Variants in ACOT7 observed in about 807,000 individuals in gnomAD.
ACOT7 encodes acyl-CoA thioesterase 7.
A neutral mutation model predicts 40.2 loss-of-function variants in ACOT7; 12 were observed. That is an observed-to-expected ratio of 0.30 (90% CI 0.19 to 0.48). The LOEUF is 0.48. ACOT7 is among the 20% of genes least tolerant of loss of function. ACOT7 has a pLI of 0.99. For synonymous variants in ACOT7, 228 were observed against 219.5 expected (o/e 1.04, Z -0.34); for missense variants, 395 against 530.8 (o/e 0.74, Z 2.51).
At chr1:6,290,908 T>C (rs1054902558) in intron 7 of ACOT7, among the ~76,000 whole-genome samples, 5 of 152,154 alleles carry the variant, frequency 3.3e-5, no homozygotes, top group Admixed American at 1.3e-4. Flanking sequence ...GGGGGGCCCC[T>C]GGGGGACTGC....
intron 1 of ACOT7, among the ~76,000 whole-genome samples, chr1:6,377,989 GA>G (rs1243445683): frequency 6.6e-6 from 1 of 152,204 alleles, no homozygotes; most frequent in Non-Finnish European, 1.5e-5. Flanking sequence ...TGAATGGCGT[GA>G]ACCTGGGAGG....
chr1:6,290,707 G>A lies in ACOT7; in HGVS notation c.829+4157C>T, dbSNP rs963757542. Reference sequence around the variant, plus strand: ...GCCTTCTGGGGCTTATGGAGGAGACGTCACATCCGTTCTCACTTCTGACAC... The same window carrying A: ...GCCTTCTGGGGCTTATGGAGGAGACATCACATCCGTTCTCACTTCTGACAC... On this transcript the variant is annotated intron_variant, in intron 7 of 8. Coordinates refer to ENST00000361521, the MANE Select transcript of ACOT7 (RefSeq NM_007274.4). 6.6e-5 allele frequency among the ~76,000 whole-genome samples: 10 copies of A among 152,304 alleles called. No homozygotes were observed. In the South Asian group the frequency reaches 1.9e-3, roughly 28 times the overall value.
chr1:6,318,012 G>A (rs1444945145), intron 6 of ACOT7, among the ~76,000 whole-genome samples: 6 of 150,544 alleles, frequency 4.0e-5, no homozygotes, highest in Non-Finnish European at 8.9e-5. Flanking sequence ...GATTACAGGC[G>A]TGACCTATGG....
rs938806572 is a variant in ACOT7 at position 6,274,141 on chromosome 1, C to T, written c.1014+6961G>A. On this transcript the variant is annotated intron_variant, in intron 8 of 8. Transcript: ENST00000361521. The surrounding 1 kb of genome is among the most constrained non-coding windows in gnomAD (Gnocchi z 5.9). ...GGTCCTGGGGGTGGGGAGCAGCAGG[C>T]ACCATCATGGAAAGCTTGCCCCATG... Among the ~76,000 whole-genome samples, 3 of 152,192 alleles carry T rather than the reference C, an allele frequency of 2.0e-5. No homozygotes were observed. Among genetic ancestry groups the T allele is most frequent in the African/African-American group, 4.8e-5 (2 of 41,450 alleles).
chr1:6,352,423 C>A lies in ACOT7; in HGVS notation c.144-2557G>T, dbSNP rs1453947890. ...CGCTGGATCCAGCCAGCCTCCAGGA[C>A]CCATAAACAGCTCTGTCACTCTCTC... is the stretch of plus-strand genomic sequence containing the variant. On this transcript the variant is annotated intron_variant, in intron 1 of 8. Transcript: ENST00000361521. This position sits in a 1 kb window ranked among gnomAD's most constrained non-coding sequence, Gnocchi z 4.5. Among the ~76,000 whole-genome samples, 3 of 152,114 alleles carry A rather than the reference C, an allele frequency of 2.0e-5. No homozygotes were observed. Among genetic ancestry groups the A allele is most frequent in the Non-Finnish European group, 4.4e-5 (3 of 68,012 alleles).
At chr1:6,313,423 C>T (rs900102889) in intron 6 of ACOT7, among the ~76,000 whole-genome samples, 32 of 152,202 alleles carry the variant, frequency 2.1e-4, no homozygotes, top group African/African-American at 7.0e-4. Flanking sequence ...CGCTTCCAAG[C>T]CCTGTAAGGA....
Position 6,393,649 on chromosome 1 carries a change from C to G in ACOT7, c.-250G>C, listed in dbSNP as rs1038024733. 1.4e-5 allele frequency: 4 copies of G among 282,646 alleles called. No individual in the cohort carries two copies. The highest frequency in any genetic ancestry group is 8.9e-5 in the African/African-American group (4 of 44,954). The allele number at this position is 282,646 out of a possible 1,614,324, so 17.5% of individuals were successfully genotyped here. On this transcript the variant is annotated 5_prime_UTR_variant, in exon 1 of 9. Transcript: ENST00000361521. ...GCCGCGCCGGTGCGGGGAAGGCCCG[C>G]TAGCCGCGGCAGCCGCGCCCGACCC...
At chr1:6,286,652 T>C (rs1639511874) in intron 7 of ACOT7, among the ~76,000 whole-genome samples, 2 of 152,174 alleles carry the variant, frequency 1.3e-5, no homozygotes, top group Non-Finnish European at 2.9e-5. Flanking sequence ...CTTCAGAGAA[T>C]GCAGGGGAGC....
rs992403754 is a variant in ACOT7 at position 6,306,237 on chromosome 1, G to A, written c.713-11257C>T. On this transcript the variant is annotated intron_variant, in intron 6 of 8. Coordinates refer to ENST00000361521, the MANE Select transcript of ACOT7 (RefSeq NM_007274.4). The surrounding 1 kb of genome is among the most constrained non-coding windows in gnomAD (Gnocchi z 4.3). ...GGGAGGGGGAGGGGGAGAGGGAGAGGACGTTCTTACGGTTCATGGCAAGAC... is the reference window on the plus strand; with the variant it reads ...GGGAGGGGGAGGGGGAGAGGGAGAGAACGTTCTTACGGTTCATGGCAAGAC... The A allele has an allele frequency of 5.1e-6, 5 of 983,358 alleles. No homozygotes were observed. Among genetic ancestry groups the A allele is most frequent in the Non-Finnish European group, 6.0e-6 (5 of 828,924 alleles). 60.9% of individuals were successfully genotyped at this position (983,358 alleles called of 1,614,324 possible). A position where few individuals can be genotyped will look rare whatever the true frequency, so the allele number is the denominator to read the frequency against.
Position 6,293,446 on chromosome 1 carries a change from C to A in ACOT7, c.829+1418G>T, listed in dbSNP as rs999341836. ...ACACAGAGGACCCACTTGTTTTGGG[C>A]AGATTCTAAAATGACATTGTGGTCT... On this transcript the variant is annotated intron_variant, in intron 7 of 8. Coordinates refer to ENST00000361521, the MANE Select transcript of ACOT7 (RefSeq NM_007274.4). 5.9e-5 allele frequency among the ~76,000 whole-genome samples: 9 copies of A among 152,308 alleles called. No homozygotes were observed. The East Asian group carries it at 1.7e-3, about 29-fold the overall frequency.
intron 1 of ACOT7, among the ~76,000 whole-genome samples, chr1:6,386,427 C>CA (rs1411135481): frequency 3.3e-5 from 5 of 152,306 alleles, no homozygotes; most frequent in Admixed American, 3.3e-4. Flanking sequence ...AGCCCCAAAA[C>CA]AGTCAGCTCA....
At chr1:6,332,899 G>A (rs1640999935) in intron 4 of ACOT7, among the ~76,000 whole-genome samples, 1 of 152,256 alleles carries the variant, frequency 6.6e-6, no homozygotes. Context: ...AGCCAGAAAT[G>A]AGAGAAACAC....
At chr1:6,365,780 A>C (rs74839851) in intron 1 of ACOT7, among the ~76,000 whole-genome samples, 1 of 152,080 alleles carries the variant, frequency 6.6e-6, no homozygotes, top group African/African-American at 2.4e-5. Context: ...AAAAAAAAAA[A>C]AAATTTATTG....
chr1:6,332,571 T>C (rs1158363558), intron 4 of ACOT7, among the ~76,000 whole-genome samples: 1 of 152,082 alleles, frequency 6.6e-6, no homozygotes, highest in Non-Finnish European at 1.5e-5. Context: ...ATCCCAGCAC[T>C]TTGGGAGGCC....
chr1:6,319,609 T>C (rs1481904416), intron 5 of ACOT7, among the ~76,000 whole-genome samples: 1 of 152,236 alleles, frequency 6.6e-6, no homozygotes, highest in Non-Finnish European at 1.5e-5. Flanking sequence ...GCTTTGACCA[T>C]GTAGGGACTA....
At chr1:6,361,783 C>T (rs1641899210) in intron 1 of ACOT7, among the ~76,000 whole-genome samples, 1 of 152,092 alleles carries the variant, frequency 6.6e-6, no homozygotes, top group Non-Finnish European at 1.5e-5. Flanking sequence ...CCAGCCTGGG[C>T]AACAGAGCGG....
rs1344690999 is a variant in ACOT7 at position 6,330,079 on chromosome 1, G to A, written c.511-2666C>T. ...GTGTGTGTGTGTGGTGTGTGTGTGT[G>A]TGTGCGTGTTCAAGATATCTACATG... is the stretch of plus-strand genomic sequence containing the variant. On this transcript the variant is annotated intron_variant, in intron 4 of 8. Coordinates refer to ENST00000361521, the MANE Select transcript of ACOT7 (RefSeq NM_007274.4). This position sits in a 1 kb window ranked among gnomAD's most constrained non-coding sequence, Gnocchi z 4.6. Among the ~76,000 whole-genome samples, 3 of 152,196 alleles carry A rather than the reference G, an allele frequency of 2.0e-5. No homozygotes were observed. The highest frequency in any genetic ancestry group is 2.9e-5 in the Non-Finnish European group (2 of 68,030).
intron 1 of ACOT7, among the ~76,000 whole-genome samples, chr1:6,351,976 G>A (rs1014901025): frequency 5.9e-5 from 9 of 152,186 alleles, no homozygotes; most frequent in African/African-American, 1.7e-4. Flanking sequence ...GGCACTTGGC[G>A]CTGTGCCATC....
chr1:6,341,290 C>CAG (rs1641270809), intron 2 of ACOT7, among the ~76,000 whole-genome samples: 2 of 151,666 alleles, frequency 1.3e-5, no homozygotes, highest in Non-Finnish European at 2.9e-5. Flanking sequence ...TACAGATGTG[C>CAG]ACCACCACGC....
Sources: allele counts gnomAD v4.1 joint callset (sites outside exome capture counted in the v4.1 genomes callset), GRCh38; gene constraint gnomAD v4.1.1; non-coding constraint Gnocchi (gnomAD v3.1); transcripts MANE v1.5; gene names NCBI Gene and HGNC (gene_info 2026-07-23, HGNC 2026-07-21).